The following LRRC4C variants were observed in gnomAD, a reference collection of about 807,000 sequenced individuals.
The protein encoded by LRRC4C is leucine rich repeat containing 4C.
LRRC4C carries 5 observed loss-of-function variants against 33.6 expected under a neutral mutation model. The ratio of observed to expected loss-of-function variants is 0.15; its 90% CI spans 0.08 to 0.31. The LOEUF (loss-of-function observed/expected upper bound fraction) is 0.31, where lower values mean the gene tolerates loss of function less well. Among genes scored for constraint, LRRC4C ranks in the 10% least tolerant of loss-of-function variants. LRRC4C has a pLI of 1.00. For synonymous variants in LRRC4C, 329 were observed against 302.0 expected (o/e 1.09, Z -0.93); for missense variants, 560 against 796.7 (o/e 0.70, Z 3.58).
chr11:40,655,614 T>C (rs564969493), intron 2 of LRRC4C, among the ~76,000 whole-genome samples: 1 of 152,300 alleles, frequency 6.6e-6, no homozygotes, highest in African/African-American at 2.4e-5. Context: ...CCCACTGTCC[T>C]GGACAGCTTT....
intron 4 of LRRC4C, among the ~76,000 whole-genome samples, chr11:40,283,981 G>T (rs1048537091): frequency 2.0e-5 from 3 of 152,008 alleles, no homozygotes; most frequent in Non-Finnish European, 4.4e-5. Context: ...GGGATTACAG[G>T]TGTGAGCCAC....
chr11:41,450,630 C>G (rs1955987823), intron 1 of LRRC4C, among the ~76,000 whole-genome samples: 1 of 151,994 alleles, frequency 6.6e-6, no homozygotes, highest in South Asian at 2.1e-4. Flanking sequence ...AATGATGCCC[C>G]CTGTATGCAA....
chr11:41,301,917 T>C (rs1253340969), intron 1 of LRRC4C, among the ~76,000 whole-genome samples: 1 of 152,226 alleles, frequency 6.6e-6, no homozygotes, highest in East Asian at 1.9e-4. Context: ...GTTTACTGTA[T>C]ACTATTTACT....
chr11:40,370,035 T>A (rs1948382208), intron 3 of LRRC4C, among the ~76,000 whole-genome samples: 1 of 152,168 alleles, frequency 6.6e-6, no homozygotes, highest in African/African-American at 2.4e-5. Flanking sequence ...AAAATGGCAC[T>A]TTTTAGGTCC....
intron 3 of LRRC4C, among the ~76,000 whole-genome samples, chr11:40,322,675 T>A (rs1565271971): frequency 6.6e-6 from 1 of 152,164 alleles, no homozygotes; most frequent in Non-Finnish European, 1.5e-5. Flanking sequence ...TGTTTGTAGA[T>A]CTTTAGAAAA....
At chr11:41,077,419 A>G (rs1939233365) in intron 1 of LRRC4C, among the ~76,000 whole-genome samples, 1 of 152,214 alleles carries the variant, frequency 6.6e-6, no homozygotes, top group Non-Finnish European at 1.5e-5. Context: ...CCAAACCTCA[A>G]TTCTTGCCTT....
chr11:41,293,707 C>T (rs1439683007), intron 1 of LRRC4C, among the ~76,000 whole-genome samples: 1 of 152,162 alleles, frequency 6.6e-6, no homozygotes, highest in East Asian at 1.9e-4. Context: ...AAGTGATTCT[C>T]CTGCCTCAGC....
intron 3 of LRRC4C, among the ~76,000 whole-genome samples, chr11:40,587,069 A>G (rs1014892441): frequency 1.3e-4 from 20 of 151,882 alleles, no homozygotes; most frequent in African/African-American, 4.8e-4. Flanking sequence ...CTTGGGCAGT[A>G]TGGCCATTTT....
chr11:40,876,694 G>A (rs1352256296), intron 2 of LRRC4C, among the ~76,000 whole-genome samples: 1 of 151,964 alleles, frequency 6.6e-6, no homozygotes, highest in Non-Finnish European at 1.5e-5. Flanking sequence ...CATGAGGTCA[G>A]GAGATTGAGA....
chr11:40,461,693 C>A (rs977966105), intron 3 of LRRC4C, among the ~76,000 whole-genome samples: 4 of 148,346 alleles, frequency 2.7e-5, no homozygotes, highest in Non-Finnish European at 5.9e-5. Flanking sequence ...ATATAATAAT[C>A]TTCTTTTATT....
At chr11:40,884,124 C>G (rs1004695586) in intron 2 of LRRC4C, among the ~76,000 whole-genome samples, 3 of 151,956 alleles carry the variant, frequency 2.0e-5, no homozygotes, top group African/African-American at 7.3e-5. Flanking sequence ...TCCATGTGTT[C>G]TTATTGTTCA....
In LRRC4C at chr11:40,506,517, T is replaced by A. The variant is rs548696722; in HGVS notation, c.-270+141625A>T. ...ATTAGATAAAGTAAGTTGCTGAAAA[T>A]CTAAACTATTTATCTATTCCAACAG... On this transcript the variant is annotated intron_variant, in intron 3 of 6. Transcript: ENST00000528697. Among the ~76,000 whole-genome samples the A allele has an allele frequency of 1.9e-3, 291 of 152,222 alleles. 1 individual carries two copies. The highest frequency in any genetic ancestry group is 0.01 in the Middle Eastern group (3 of 294).
At chr11:41,139,361 T>C (rs989261490) in intron 1 of LRRC4C, among the ~76,000 whole-genome samples, 1 of 152,206 alleles carries the variant, frequency 6.6e-6, no homozygotes, top group African/African-American at 2.4e-5. Flanking sequence ...AAGCATGTCA[T>C]TTGATCTTTC....
intron 1 of LRRC4C, among the ~76,000 whole-genome samples, chr11:41,035,208 A>C (rs564211839): frequency 5.5e-4 from 83 of 150,680 alleles, no homozygotes; most frequent in African/African-American, 1.9e-3. Context: ...TAAATACATA[A>C]ATAAATAAAT....
intron 3 of LRRC4C, among the ~76,000 whole-genome samples, chr11:40,580,775 TCTTAA>T (rs1363859564): frequency 6.6e-6 from 1 of 152,168 alleles, no homozygotes; most frequent in Non-Finnish European, 1.5e-5. Flanking sequence ...AATTCAAAAA[TCTTAA>T]CTTGGATAGA....
intron 3 of LRRC4C, among the ~76,000 whole-genome samples, chr11:40,391,923 CAG>C (rs1177935661): frequency 6.6e-6 from 1 of 152,144 alleles, no homozygotes; most frequent in Non-Finnish European, 1.5e-5. Flanking sequence ...GGTGGATAAA[CAG>C]ATTGTGGTAC....
intron 4 of LRRC4C, among the ~76,000 whole-genome samples, chr11:40,253,609 A>C (rs1181625328): frequency 6.6e-6 from 1 of 152,178 alleles, no homozygotes; most frequent in Non-Finnish European, 1.5e-5. Flanking sequence ...ATAAGGGTGA[A>C]CATGATTTGC....
chr11:40,650,540 A>T lies in LRRC4C; in HGVS notation c.-406-2262T>A, dbSNP rs1942730442. ...CAATGAAATGCATTCCTATTTTTAT[A>T]GATGAGATGCTGCCCAATTCATGAA... On this transcript the variant is annotated intron_variant, in intron 2 of 6. Transcript: ENST00000528697. Among the ~76,000 whole-genome samples, 3 of 152,340 alleles carry T rather than the reference A, an allele frequency of 2.0e-5. No individual in the cohort carries two copies. In the South Asian group the frequency reaches 6.2e-4, roughly 32 times the overall value.
intron 1 of LRRC4C, among the ~76,000 whole-genome samples, chr11:41,175,017 T>C (rs1250842020): frequency 6.6e-6 from 1 of 152,062 alleles, no homozygotes; most frequent in Non-Finnish European, 1.5e-5. Context: ...CATCCTTATA[T>C]CCTATCAGTT....
Sources: gnomAD v4.1 joint callset for allele counts (sites outside exome capture counted in the v4.1 genomes callset) on GRCh38, gnomAD v4.1.1 for gene constraint, MANE v1.5 for transcripts, NCBI Gene and HGNC (gene_info 2026-07-23, HGNC 2026-07-21) for gene names.